The following BTBD8 variants were observed in gnomAD, a reference collection of about 807,000 sequenced individuals.
BTBD8 encodes the protein BTB/POZ domain-containing protein 8.
A neutral mutation model predicts 162.9 loss-of-function variants in BTBD8; 110 were observed. That is an observed-to-expected ratio of 0.68 (90% CI 0.58 to 0.79). BTBD8 has a LOEUF of 0.79. Among genes scored for constraint, BTBD8 ranks in the 30% least tolerant of loss-of-function variants. BTBD8 has a pLI of 0.00. For synonymous variants in BTBD8, 667 were observed against 716.1 expected, an observed-to-expected ratio of 0.93 and a Z score of 1.10; for missense variants, 1,905 against 2,085.4, an observed-to-expected ratio of 0.91 and a Z score of 1.68.
intron 1 of BTBD8, among the ~76,000 whole-genome samples, chr1:92,088,140 A>C (rs990017689): frequency 3.3e-5 from 5 of 152,154 alleles, no homozygotes; most frequent in African/African-American, 1.2e-4. Flanking sequence ...AAAGAGAGTA[A>C]ATGTCACATT....
At position 92,129,772 on chromosome 1, in the gene BTBD8, C is replaced by A; in HGVS notation, c.748C>A (p.Gln250Lys). Residue 250 changes from glutamine to lysine, a missense_variant, in exon 5 of 18, where the codon CAA becomes AAA. Physicochemically the swap from Gln to Lys is moderately conservative, Grantham distance 53 (BLOSUM62 1). This residue lies in a region of BTBD8 where 1,374 missense variants were observed against 1,442.7 expected (regional missense o/e 0.95). Transcript: ENST00000636805. ...AAGCTCCCAAGAGTACGTTACTCTT[C>A]AAGGGTAAGCATATTTTTACAGGGC... Reference protein sequence around the residue: ...AESSQEYVTLQGISHVELNVM... With the variant: ...AESSQEYVTLKGISHVELNVM... 2 of 1,610,984 alleles carry A rather than the reference C, an allele frequency of 1.2e-6. No homozygotes were observed. The highest frequency in any genetic ancestry group is 1.1e-5 in the South Asian group (1 of 90,990).
intron 4 of BTBD8, among the ~76,000 whole-genome samples, chr1:92,111,861 G>T (rs1228146354): frequency 1.3e-5 from 2 of 152,140 alleles, no homozygotes; most frequent in Non-Finnish European, 2.9e-5. Context: ...CCTAAATGTG[G>T]TTAAGTGGCC....
chr1:92,137,194 A>T (rs1361752905), intron 5 of BTBD8, among the ~76,000 whole-genome samples: 1 of 152,182 alleles, frequency 6.6e-6, no homozygotes, highest in Non-Finnish European at 1.5e-5. Flanking sequence ...ACTTTCTTTT[A>T]TGGGCTTTGG....
rs1408417322 is a variant in BTBD8, at chr1:92,101,174, G to GA, written c.348-1298dup. 2.0e-5 allele frequency among the ~76,000 whole-genome samples: 3 copies of GA among 152,174 alleles called. No individual in the cohort carries two copies. The East Asian group carries it at 5.8e-4, about 29-fold the overall frequency. On this transcript the variant is annotated intron_variant, in intron 2 of 17. Transcript: ENST00000636805. Reference sequence around the variant, plus strand: ...CTCCCATTTATGAATGAGAACATATGATGTTTTCTAATCCTGAGTTACTTC... The same window carrying GA: ...CTCCCATTTATGAATGAGAACATATGAATGTTTTCTAATCCTGAGTTACTTC...
chr1:92,112,910 C>T (rs1293820750), intron 4 of BTBD8, among the ~76,000 whole-genome samples: 3 of 152,094 alleles, frequency 2.0e-5, no homozygotes, highest in African/African-American at 7.2e-5. Context: ...AAAAATTAGT[C>T]CTACTAAAAT....
rs1201294031 is a variant in BTBD8, at chr1:92,167,106, T to C, written c.1271T>C (p.Ile424Thr). Reference protein sequence around the residue: ...IAFIVDNFSKIIQSENFALLL... With the variant: ...IAFIVDNFSKTIQSENFALLL... ...TTTATTGTAGACAACTTCTCCAAGA[T>C]TATTCAGAGTGAAAATTTTGCTCTT... Residue 424 changes from isoleucine (I) to threonine (T), a missense_variant, in exon 10 of 18, where the codon ATT becomes ACT. Physicochemically the swap from Ile to Thr is moderately conservative, Grantham distance 89. Transcript: ENST00000636805. 1 of 1,550,568 alleles carries C rather than the reference T, an allele frequency of 6.4e-7. No individual in the cohort carries two copies. The highest frequency in any genetic ancestry group is 8.7e-7 in the Non-Finnish European group (1 of 1,146,980).
chr1:92,156,945 AT>A lies in BTBD8; in HGVS notation c.1122+9170del, dbSNP rs556213022. 1.9e-3 allele frequency among the ~76,000 whole-genome samples: 245 copies of A among 128,146 alleles called. 1 individual carries two copies. The highest frequency in any genetic ancestry group is 4.5e-3 in the Middle Eastern group (1 of 224). The allele number at this position is 128,146 out of a possible 152,430, so 84.1% of individuals were successfully genotyped here. ...ATCCTCTATTTCTGCTCTAATATTT[AT>A]TTTTTTTTTTCGTTGGTTTGCTAAC... On this transcript the variant is annotated intron_variant, in intron 9 of 17. Transcript: ENST00000636805.
At chr1:92,135,300 C>G (rs1201954574) in intron 5 of BTBD8, among the ~76,000 whole-genome samples, 2 of 152,210 alleles carry the variant, frequency 1.3e-5, no homozygotes, top group Non-Finnish European at 2.9e-5. Flanking sequence ...GTTCCCCTGC[C>G]TCAGCCTCCT....
At position 92,182,158 on chromosome 1, in the gene BTBD8, G is replaced by A. The variant is rs1159065609; in HGVS notation, c.4475G>A (p.Ser1492Asn). ...TGCTATTCCAGATTCTCACGAGAAA[G>A]TGAAGATAATATTTTAGAATGTAAA... is the stretch of plus-strand genomic sequence containing the variant. ...RTCYSRFSRESEDNILECKQN... is the reference protein window; with the variant it reads ...RTCYSRFSRENEDNILECKQN... The change falls in exon 17 of 18, where the codon AGT (serine) becomes AAT (asparagine). Residue 1492 changes from serine (S) to asparagine (N), a missense_variant. Transcript: ENST00000636805. The A allele has an allele frequency of 1.3e-6, 2 of 1,550,952 alleles. No homozygotes were observed. The highest frequency in any genetic ancestry group is 2.7e-5 in the African/African-American group (2 of 73,012).
intron 2 of BTBD8, 34 bp downstream of exon 2, chr1:92,088,929 T>C (rs1036625359): frequency 6.7e-7 from 1 of 1,486,500 alleles, no homozygotes; most frequent in Non-Finnish European, 9.1e-7. Flanking sequence ...AAGTCTAATA[T>C]GTAATTGCTT....
At chr1:92,165,872 A>T (rs530147038) in intron 9 of BTBD8, among the ~76,000 whole-genome samples, 8 of 152,326 alleles carry the variant, frequency 5.3e-5, no homozygotes, top group Non-Finnish European at 1.5e-5. Flanking sequence ...AGTAGTCTAG[A>T]TTCAAGACTG....
chr1:92,167,947 C>G lies in BTBD8; in HGVS notation c.1405C>G (p.Leu469Val). 6.5e-7 allele frequency: 1 copy of G among 1,550,008 alleles called. No homozygotes were observed. ...TENSCSLLMA[L>V]DTLLNSDSTK... ...AAATAGCTGCTCTCTTCTTATGGCT[C>G]TGGACACACTGCTGAACTCTGACAG... is the stretch of plus-strand genomic sequence containing the variant. The change falls in exon 11 of 18, where the codon CTG becomes GTG. Residue 469 changes from leucine (L) to valine (V), a missense_variant. Physicochemically the swap from Leu to Val is conservative, Grantham distance 32 (BLOSUM62 1). This residue lies in a region of BTBD8 where 1,374 missense variants were observed against 1,442.7 expected (regional missense o/e 0.95). Transcript: ENST00000636805.
intron 9 of BTBD8, among the ~76,000 whole-genome samples, chr1:92,148,526 G>A (rs553792175): frequency 1.6e-4 from 25 of 152,250 alleles, no homozygotes; most frequent in African/African-American, 5.8e-4. Flanking sequence ...TGGGGCTGGG[G>A]GCAGTATCCT....
At chr1:92,169,060 G>A in intron 12 of BTBD8, 65 bp downstream of exon 12, 1 of 1,401,488 alleles carries the variant, frequency 7.1e-7, no homozygotes, top group Non-Finnish European at 9.6e-7. Context: ...ATATTTTGAG[G>A]GCATTCTGAT....
chr1:92,151,181 C>T (rs1287302908), intron 9 of BTBD8, among the ~76,000 whole-genome samples: 1 of 151,880 alleles, frequency 6.6e-6, no homozygotes, highest in African/African-American at 2.4e-5. Context: ...GGTGAAACCC[C>T]GAATCTACTA....
At chr1:92,131,350 A>G (rs1373480577) in intron 5 of BTBD8, among the ~76,000 whole-genome samples, 3 of 152,236 alleles carry the variant, frequency 2.0e-5, no homozygotes, top group African/African-American at 7.2e-5. Context: ...TGTAACAACA[A>G]GAGAAGTGAG....
At chr1:92,100,352 G>A (rs1443919133) in intron 2 of BTBD8, among the ~76,000 whole-genome samples, 4 of 152,074 alleles carry the variant, frequency 2.6e-5, no homozygotes, top group African/African-American at 9.7e-5. Flanking sequence ...GTTGGGAAGT[G>A]TTCCTTCCTC....
chr1:92,103,684 T>C (rs1648654985), intron 3 of BTBD8, among the ~76,000 whole-genome samples: 1 of 152,174 alleles, frequency 6.6e-6, no homozygotes, highest in Non-Finnish European at 1.5e-5. Flanking sequence ...AGACCTTTCT[T>C]TGGAAGGTAA....
intron 4 of BTBD8, among the ~76,000 whole-genome samples, chr1:92,123,227 C>G (rs1649263984): frequency 6.6e-6 from 1 of 152,132 alleles, no homozygotes; most frequent in African/African-American, 2.4e-5. Flanking sequence ...ATGTCAATAC[C>G]ACATTATTTT....
Sources: gnomAD v4.1 joint callset for allele counts (sites outside exome capture counted in the v4.1 genomes callset) on GRCh38, gnomAD v4.1.1 for gene constraint, gnomAD v4.1.1 regional missense constraint, MANE v1.5 for transcripts, NCBI Gene and HGNC (gene_info 2026-07-23, HGNC 2026-07-21) for gene names.